The following RBFOX1 variants were observed in gnomAD, a reference collection of about 807,000 sequenced individuals.
RBFOX1 encodes RNA binding protein fox-1 homolog 1.
A neutral mutation model predicts 57.7 loss-of-function variants in RBFOX1; 8 were observed. That is an observed-to-expected ratio of 0.14 (90% confidence interval 0.08 to 0.25). RBFOX1 has a LOEUF of 0.25. RBFOX1 is among the 10% of genes least tolerant of loss of function. RBFOX1 has a pLI of 1.00. For synonymous variants in RBFOX1, 326 were observed against 222.4 expected, an observed-to-expected ratio of 1.47 and a Z score of -4.15; for missense variants, 611 against 548.5, an observed-to-expected ratio of 1.11 and a Z score of -1.14.
intron 2 of RBFOX1, among the ~76,000 whole-genome samples, chr16:5,566,951 A>T (rs2046094345): frequency 6.6e-6 from 1 of 152,160 alleles, no homozygotes; most frequent in Non-Finnish European, 1.5e-5. Flanking sequence ...GTCGCAATTC[A>T]TCAGAATGAA....
intron 3 of RBFOX1, among the ~76,000 whole-genome samples, chr16:6,780,584 TTATATATA>T (rs998887450): frequency 7.1e-6 from 1 of 140,500 alleles, no homozygotes; most frequent in African/African-American, 2.6e-5. Flanking sequence ...ATATATATAT[TTATATATA>T]TATTTCTTTT....
At chr16:6,499,924 A>T (rs2095866813) in intron 2 of RBFOX1, among the ~76,000 whole-genome samples, 1 of 152,124 alleles carries the variant, frequency 6.6e-6, no homozygotes, top group South Asian at 2.1e-4. Context: ...TACATTGAAC[A>T]AGTTCTGTTT....
intron 3 of RBFOX1, among the ~76,000 whole-genome samples, chr16:6,715,887 G>T (rs1232124532): frequency 1.3e-5 from 2 of 152,098 alleles, no homozygotes; most frequent in African/African-American, 4.8e-5. Flanking sequence ...TGGGGTCAAG[G>T]CTCAGCCTGC....
At chr16:6,538,081 A>T (rs914914666) in intron 2 of RBFOX1, among the ~76,000 whole-genome samples, 1 of 152,020 alleles carries the variant, frequency 6.6e-6, no homozygotes, top group South Asian at 2.1e-4. Context: ...TTATATAAAT[A>T]TAAAATTATG....
intron 3 of RBFOX1, among the ~76,000 whole-genome samples, chr16:5,809,095 G>T (rs1296013442): frequency 6.6e-6 from 1 of 152,162 alleles, no homozygotes; most frequent in South Asian, 2.1e-4. Context: ...CTTAATAAAT[G>T]GTGGTGGGAA....
chr16:7,665,063 G>A, intron 13 of RBFOX1, 95 bp downstream of exon 13: 2 of 1,610,034 alleles, frequency 1.2e-6, no homozygotes, highest in Non-Finnish European at 8.5e-7. Flanking sequence ...GCGTAGTTGA[G>A]TTTCTCTCCT....
At chr16:6,650,510 A>T (rs1443692680) in intron 2 of RBFOX1, among the ~76,000 whole-genome samples, 1 of 152,180 alleles carries the variant, frequency 6.6e-6, no homozygotes, top group Admixed American at 6.5e-5. Context: ...TTATCATGCC[A>T]CAGAGTAACT....
intron 2 of RBFOX1, among the ~76,000 whole-genome samples, chr16:5,497,413 G>A (rs890402576): frequency 1.3e-5 from 2 of 151,876 alleles, no homozygotes; most frequent in African/African-American, 4.8e-5. Flanking sequence ...GTTGAGCCTT[G>A]ACTATGTGCT....
chr16:6,875,467 C>T (rs9940880), intron 3 of RBFOX1, among the ~76,000 whole-genome samples: 1 of 152,092 alleles, frequency 6.6e-6, no homozygotes, highest in Non-Finnish European at 1.5e-5. Context: ...CGCTGAGAGT[C>T]TTCGAATTTT....
intron 2 of RBFOX1, among the ~76,000 whole-genome samples, chr16:6,431,929 C>G (rs1168905012): frequency 1.3e-5 from 2 of 150,394 alleles, no homozygotes; most frequent in Non-Finnish European, 3.0e-5. Context: ...TTCTTTCTTT[C>G]TTTCTTTCTT....
intron 4 of RBFOX1, among the ~76,000 whole-genome samples, chr16:7,144,220 A>C (rs1454189500): frequency 7.2e-5 from 11 of 152,012 alleles, no homozygotes; most frequent in African/African-American, 2.4e-4. Flanking sequence ...AGATTTCCTC[A>C]TTTTGAGGGG....
chr16:7,372,936 AT>A (rs137947158), intron 4 of RBFOX1, among the ~76,000 whole-genome samples: 55,587 of 146,678 alleles, frequency 0.38, 11,045 homozygotes, highest in East Asian at 0.49. Context: ...TAGAAATTGC[AT>A]TTTTTTTTTT....
At chr16:6,705,920 G>T (rs1480988039) in intron 3 of RBFOX1, among the ~76,000 whole-genome samples, 2 of 152,150 alleles carry the variant, frequency 1.3e-5, no homozygotes, top group Admixed American at 6.5e-5. Context: ...CAGGAGGCTG[G>T]TGTGGGAGGA....
At chr16:5,895,616 C>T (rs1191176678) in intron 4 of RBFOX1, among the ~76,000 whole-genome samples, 1 of 152,190 alleles carries the variant, frequency 6.6e-6, no homozygotes, top group East Asian at 1.9e-4. Context: ...ATCACAAAAG[C>T]TGGTTTACAT....
chr16:6,635,381 C>G (rs896075670), intron 2 of RBFOX1, among the ~76,000 whole-genome samples: 1 of 151,974 alleles, frequency 6.6e-6, no homozygotes, highest in Non-Finnish European at 1.5e-5. Context: ...TCATTTCCAC[C>G]ATAGCCCATG....
chr16:5,590,845 C>T (rs960400015), intron 2 of RBFOX1, among the ~76,000 whole-genome samples: 2 of 152,132 alleles, frequency 1.3e-5, no homozygotes, highest in African/African-American at 4.8e-5. Context: ...TTAGTACTGC[C>T]TACCCTGGGA....
chr16:6,009,916 T>A (rs186808963), intron 4 of RBFOX1, among the ~76,000 whole-genome samples: 122 of 152,198 alleles, frequency 8.0e-4, no homozygotes, highest in South Asian at 1.7e-3. Context: ...GCCCAGCATC[T>A]GGATTTTGAT....
chr16:6,550,210 C>CT (rs2096965042), intron 2 of RBFOX1, among the ~76,000 whole-genome samples: 1 of 152,098 alleles, frequency 6.6e-6, no homozygotes, highest in Non-Finnish European at 1.5e-5. Flanking sequence ...CAGAGTCTTA[C>CT]TCTGTCGCCC....
At chr16:6,672,430 AAAG>A (rs1197811471) in intron 3 of RBFOX1, among the ~76,000 whole-genome samples, 2 of 151,698 alleles carry the variant, frequency 1.3e-5, no homozygotes, top group Non-Finnish European at 2.9e-5. Flanking sequence ...AAGGAAGGAA[AAAG>A]AAAAGAAAGA....
Sources: allele counts gnomAD v4.1 joint callset (sites outside exome capture counted in the v4.1 genomes callset), GRCh38; gene constraint gnomAD v4.1.1; transcripts MANE v1.5; gene names NCBI Gene and HGNC (gene_info 2026-07-23, HGNC 2026-07-21).